Variants in ZBTB44 observed in about 807,000 individuals in gnomAD.
ZBTB44 encodes zinc finger and BTB domain containing 44.
Under a neutral mutation model 54.0 loss-of-function variants are expected in ZBTB44, and 15 were observed. The ratio of observed to expected loss-of-function variants is 0.28; its 90% CI spans 0.19 to 0.43. ZBTB44 has a LOEUF of 0.43. ZBTB44 is among the 20% of genes least tolerant of loss of function. The pLI, the probability that ZBTB44 is intolerant of heterozygous loss-of-function variation, is 1.00. For missense variants in ZBTB44, 487 were observed against 707.1 expected, an observed-to-expected ratio of 0.69 and a Z score of 3.53; for synonymous variants, 230 against 250.1, an observed-to-expected ratio of 0.92 and a Z score of 0.76.
Position 130,302,029 on chromosome 11 carries a change from G to A in ZBTB44, c.-57+12346C>T, listed in dbSNP as rs147855864. On this transcript the variant is annotated intron_variant, in intron 1 of 7. Transcript: ENST00000357899. ...ATCACACCACTGCACTCCAGCCTAGGCGACAGAGGGAGACCCTGTCTCAAA... is the reference window on the plus strand; with the variant it reads ...ATCACACCACTGCACTCCAGCCTAGACGACAGAGGGAGACCCTGTCTCAAA... 2.8e-3 allele frequency among the ~76,000 whole-genome samples: 416 copies of A among 150,070 alleles called. 2 individuals carry two copies. The highest frequency in any genetic ancestry group is 0.01 in the African/African-American group (409 of 40,402).
At chr11:130,255,907 A>AC (rs1938397571) in intron 2 of ZBTB44, among the ~76,000 whole-genome samples, 1 of 148,866 alleles carries the variant, frequency 6.7e-6, no homozygotes, top group African/African-American at 2.5e-5. Flanking sequence ...TCAAAAAAAA[A>AC]AAAAAAAAAA....
At position 130,306,229 on chromosome 11, in the gene ZBTB44, A is replaced by C. The variant is rs146833865; in HGVS notation, c.-57+8146T>G. Among the ~76,000 whole-genome samples, 816 of 152,304 alleles carry C rather than the reference A, an allele frequency of 5.4e-3. 7 individuals carry two copies. Among genetic ancestry groups the C allele is most frequent in the African/African-American group, 0.018 (763 of 41,568 alleles). ...TTTAAGAACTAAAAGTAGGCTGGGC[A>C]CGATGGCTCACACTTGTAATCCCAG... On this transcript the variant is annotated intron_variant, in intron 1 of 7. Transcript: ENST00000357899.
intron 2 of ZBTB44, 82 bp downstream of exon 2, chr11:130,260,773 GC>G: frequency 1.4e-6 from 2 of 1,440,708 alleles, no homozygotes; most frequent in Non-Finnish European, 1.8e-6. Flanking sequence ...ATATGACCGA[GC>G]ACAAAACTTT....
chr11:130,311,660 C>T (rs1234669547), intron 1 of ZBTB44, among the ~76,000 whole-genome samples: 1 of 152,154 alleles, frequency 6.6e-6, no homozygotes, highest in Non-Finnish European at 1.5e-5. Flanking sequence ...TTAGTTCTCT[C>T]CTCTCAAAGC....
intron 1 of ZBTB44, among the ~76,000 whole-genome samples, chr11:130,266,039 T>C (rs1459638877): frequency 6.6e-6 from 1 of 152,216 alleles, no homozygotes; most frequent in Non-Finnish European, 1.5e-5. Flanking sequence ...CATTTAGGAA[T>C]TTCACAGCTA....
At chr11:130,309,094 G>T (rs1338795677) in intron 1 of ZBTB44, among the ~76,000 whole-genome samples, 1 of 152,130 alleles carries the variant, frequency 6.6e-6, no homozygotes, top group Non-Finnish European at 1.5e-5. Context: ...TATCAGTACT[G>T]CACATAGCCC....
rs143146281 is a variant in ZBTB44, at chr11:130,281,516, A to T, written c.-56-19587T>A. ...GCCTGGGCAACAGAGACCCTGTCTC[A>T]AAATAAATAAATAAATAAATAAATA... On this transcript the variant is annotated intron_variant, in intron 1 of 7. Coordinates refer to ENST00000357899, the MANE Select transcript of ZBTB44 (RefSeq NM_001301098.2). Among the ~76,000 whole-genome samples the T allele has an allele frequency of 4.0e-3, 560 of 138,820 alleles. 2 individuals carry two copies. Among genetic ancestry groups the T allele is most frequent in the African/African-American group, 7.7e-3 (268 of 34,922 alleles). The allele number at this position is 138,820 out of a possible 152,430, so 91.1% of individuals were successfully genotyped here.
At chr11:130,260,567 T>C (rs970281567) in intron 2 of ZBTB44, among the ~76,000 whole-genome samples, 1 of 152,246 alleles carries the variant, frequency 6.6e-6, no homozygotes, top group East Asian at 1.9e-4. Flanking sequence ...AAGTTTTCAA[T>C]ACATATTTTA....
In ZBTB44 at chr11:130,229,654, C is replaced by T. The variant is rs1591910040; in HGVS notation, c.*2110G>A. On this transcript the variant is annotated 3_prime_UTR_variant, in exon 8 of 8. Transcript: ENST00000357899. ...GCTTAGTTTTAATATTCCTCATAGA[C>T]ATGTTTGCCACAACAGAGCTTCCTT... 1 of 152,152 alleles carries T rather than the reference C, an allele frequency of 6.6e-6. No individual in the cohort carries two copies. Among genetic ancestry groups the T allele is most frequent in the Admixed American group, 6.5e-5 (1 of 15,270 alleles). The allele number at this position is 152,152 out of a possible 1,614,324, so 9.4% of individuals were successfully genotyped here.
At chr11:130,236,351 G>T in intron 5 of ZBTB44, 1 of 752,226 alleles carries the variant, frequency 1.3e-6, no homozygotes. Flanking sequence ...TTTCTTACTG[G>T]CCAATGGCTA....
intron 2 of ZBTB44, among the ~76,000 whole-genome samples, chr11:130,256,862 AC>A (rs1276382229): frequency 6.6e-6 from 1 of 151,988 alleles, no homozygotes; most frequent in African/African-American, 2.4e-5. Context: ...CTCTCTCACC[AC>A]CCCTATTCAA....
chr11:130,267,106 A>T (rs1172054706), intron 1 of ZBTB44, among the ~76,000 whole-genome samples: 1 of 152,124 alleles, frequency 6.6e-6, no homozygotes, highest in East Asian at 1.9e-4. Context: ...TCTACAAAAA[A>T]TACAAAAATT....
At chr11:130,255,910 A>C (rs1340253041) in intron 2 of ZBTB44, among the ~76,000 whole-genome samples, 4 of 150,388 alleles carry the variant, frequency 2.7e-5, no homozygotes, top group Non-Finnish European at 4.4e-5. Flanking sequence ...AAAAAAAAAA[A>C]AAAAAAAAAA....
chr11:130,237,458 G>T (rs1266468251), intron 4 of ZBTB44, among the ~76,000 whole-genome samples: 1 of 152,086 alleles, frequency 6.6e-6, no homozygotes, highest in African/African-American at 2.4e-5. Flanking sequence ...TTCATTAGAG[G>T]TTTACATTGA....
At chr11:130,254,566 C>T (rs1241611877) in intron 2 of ZBTB44, among the ~76,000 whole-genome samples, 5 of 152,270 alleles carry the variant, frequency 3.3e-5, no homozygotes, top group Middle Eastern at 3.4e-3. Flanking sequence ...ATTAAAAAGT[C>T]AGGAAACAAC....
intron 1 of ZBTB44, among the ~76,000 whole-genome samples, chr11:130,288,936 A>AGGAATTT (rs112853740): frequency 0.012 from 1,808 of 152,076 alleles, 40 homozygotes; most frequent in African/African-American, 0.041. Context: ...GGACATGGTT[A>AGGAATTT]GGAATTTGTA....
intron 5 of ZBTB44, chr11:130,236,282 A>G (rs142214968): frequency 8.0e-7 from 1 of 1,257,744 alleles, no homozygotes; most frequent in East Asian, 5.6e-5. Flanking sequence ...AAACTGAATG[A>G]AAATAGCAAT....
Position 130,230,749 on chromosome 11 carries a change from CTCTT to C in ZBTB44, c.*1011_*1014del, listed in dbSNP as rs1372768802. 3 of 152,002 alleles carry C rather than the reference CTCTT, an allele frequency of 2.0e-5. No individual in the cohort carries two copies. Among genetic ancestry groups the C allele is most frequent in the African/African-American group, 4.8e-5 (2 of 41,428 alleles). The allele number at this position is 152,002 out of a possible 1,614,324, so 9.4% of individuals were successfully genotyped here. A position where few individuals can be genotyped will look rare whatever the true frequency, so the allele number is the denominator to read the frequency against. Reference sequence around the variant, plus strand: ...CCAAAAAATAAAGACCAATATTAATCTCTTTATTTCTGAATGAGATGAAATCACT... The same window carrying C: ...CCAAAAAATAAAGACCAATATTAATCTATTTCTGAATGAGATGAAATCACT... On this transcript the variant is annotated 3_prime_UTR_variant, in exon 8 of 8. Transcript: ENST00000357899.
rs558318422 is a variant in ZBTB44, at chr11:130,303,723, G to A, written c.-57+10652C>T. On this transcript the variant is annotated intron_variant, in intron 1 of 7. Coordinates refer to ENST00000357899, the MANE Select transcript of ZBTB44 (RefSeq NM_001301098.2). ...ACCTGTAGAAGGATAGCAATATCCT[G>A]AAGTAAAAGAATATCAAAATTGTAA... 2.2e-4 allele frequency among the ~76,000 whole-genome samples: 33 copies of A among 151,528 alleles called. 1 individual carries two copies. The highest frequency in any genetic ancestry group is 6.8e-3 in the Middle Eastern group (2 of 294).
Sources: allele counts gnomAD v4.1 joint callset (sites outside exome capture counted in the v4.1 genomes callset), GRCh38; gene constraint gnomAD v4.1.1; transcripts MANE v1.5; gene names NCBI Gene and HGNC (gene_info 2026-07-23, HGNC 2026-07-21).